DPYD: variants seen among roughly 807,000 people sequenced by gnomAD.
DPYD encodes dihydropyrimidine dehydrogenase [NADP(+)].
Under a neutral mutation model 116.2 loss-of-function variants are expected in DPYD, and 109 were observed. The observed-to-expected ratio is 0.94, with a 90% CI of 0.80 to 1.10. The LOEUF (loss-of-function observed/expected upper bound fraction) is 1.10, where lower values mean the gene tolerates loss of function less well. Ranked by LOEUF, DPYD falls within the 50% of genes least tolerant of loss-of-function variation. The pLI is 0.00. For synonymous variants in DPYD, 440 were observed against 432.0 expected, an observed-to-expected ratio of 1.02 and a Z score of -0.23; for missense variants, 1,302 against 1,254.5, an observed-to-expected ratio of 1.04 and a Z score of -0.57.
intron 10 of DPYD, among the ~76,000 whole-genome samples, chr1:97,583,786 A>T (rs971742204): frequency 2.6e-5 from 4 of 152,102 alleles, no homozygotes; most frequent in Non-Finnish European, 5.9e-5. Context: ...AGTTTAAAAT[A>T]AAATGTGTAC....
At chr1:97,500,218 T>C (rs1460907711) in intron 13 of DPYD, among the ~76,000 whole-genome samples, 1 of 151,998 alleles carries the variant, frequency 6.6e-6, no homozygotes, top group Non-Finnish European at 1.5e-5. Flanking sequence ...ACCACTCACA[T>C]CCACACAGAA....
intron 16 of DPYD, among the ~76,000 whole-genome samples, chr1:97,364,175 T>G (rs541513397): frequency 6.6e-6 from 1 of 152,308 alleles, no homozygotes; most frequent in Non-Finnish European, 1.5e-5. Context: ...GCCATGTTGT[T>G]TACAGTTTTG....
At chr1:97,676,427 A>C (rs1043226950) in intron 8 of DPYD, among the ~76,000 whole-genome samples, 4 of 152,182 alleles carry the variant, frequency 2.6e-5, no homozygotes, top group African/African-American at 9.7e-5. Context: ...CATGAATGTG[A>C]ACATGGTAAC....
chr1:97,209,463 G>T (rs890913822), intron 19 of DPYD, among the ~76,000 whole-genome samples: 2 of 152,032 alleles, frequency 1.3e-5, no homozygotes, highest in African/African-American at 4.8e-5. Context: ...CCTTATAAAT[G>T]TGCAACAGTA....
intron 16 of DPYD, among the ~76,000 whole-genome samples, chr1:97,354,334 G>A (rs188858956): frequency 1.9e-4 from 29 of 152,314 alleles, no homozygotes; most frequent in African/African-American, 7.0e-4. Context: ...TAGGACAACA[G>A]ATGTGTAAAA....
At chr1:97,804,618 G>A in intron 3 of DPYD, among the ~76,000 whole-genome samples, 1 of 151,706 alleles carries the variant, frequency 6.6e-6, no homozygotes, top group East Asian at 1.9e-4. Flanking sequence ...CCCAAGTATA[G>A]CATACTCAAT....
intron 15 of DPYD, among the ~76,000 whole-genome samples, chr1:97,378,374 T>C (rs1400030099): frequency 6.6e-6 from 1 of 152,202 alleles, no homozygotes; most frequent in Non-Finnish European, 1.5e-5. Flanking sequence ...ATTCATGACA[T>C]ATTGCTGTCC....
intron 8 of DPYD, among the ~76,000 whole-genome samples, chr1:97,674,538 C>G (rs542162698): frequency 1.3e-5 from 2 of 151,588 alleles, no homozygotes; most frequent in East Asian, 3.9e-4. Context: ...AGAAGATGAA[C>G]AATCAGAAAG....
chr1:97,456,129 T>C (rs919154134), intron 13 of DPYD, among the ~76,000 whole-genome samples: 1 of 151,856 alleles, frequency 6.6e-6, no homozygotes, highest in Admixed American at 6.6e-5. Context: ...GCATATCTAG[T>C]AAGCATTCGA....
chr1:97,605,280 T>A (rs566914700), intron 8 of DPYD, among the ~76,000 whole-genome samples: 49 of 152,068 alleles, frequency 3.2e-4, no homozygotes, highest in Non-Finnish European at 6.6e-4. Flanking sequence ...CCAAATCTCA[T>A]CTTGAATTGT....
intron 13 of DPYD, among the ~76,000 whole-genome samples, chr1:97,492,559 G>A (rs952755988): frequency 6.6e-6 from 1 of 152,112 alleles, no homozygotes; most frequent in African/African-American, 2.4e-5. Context: ...GCAGATCATA[G>A]TATCTTTTCC....
intron 3 of DPYD, among the ~76,000 whole-genome samples, chr1:97,781,701 G>T (rs1184635960): frequency 1.3e-5 from 2 of 152,056 alleles, no homozygotes; most frequent in African/African-American, 2.4e-5. Flanking sequence ...TAATTTCTTA[G>T]CAGCTTTAAA....
At chr1:97,363,502 CAT>C (rs1670855300) in intron 16 of DPYD, among the ~76,000 whole-genome samples, 2 of 152,136 alleles carry the variant, frequency 1.3e-5, no homozygotes, top group South Asian at 4.1e-4. Context: ...CACATGCACA[CAT>C]ATGTTTATTG....
chr1:97,400,131 C>T (rs896660233), intron 14 of DPYD, among the ~76,000 whole-genome samples: 3 of 152,098 alleles, frequency 2.0e-5, no homozygotes, highest in Non-Finnish European at 2.9e-5. Flanking sequence ...CCATCAATAC[C>T]TAATTTATTG....
intron 14 of DPYD, among the ~76,000 whole-genome samples, chr1:97,441,222 G>A (rs999770511): frequency 7.9e-5 from 12 of 151,970 alleles, no homozygotes; most frequent in Admixed American, 3.3e-4. Flanking sequence ...TTTTTTTGGG[G>A]AGGGGTGTTT....
chr1:97,347,744 T>C lies in DPYD; in HGVS notation c.2058+25817A>G, dbSNP rs559577742. Among the ~76,000 whole-genome samples, 18 of 152,258 alleles carry C rather than the reference T, an allele frequency of 1.2e-4. 1 individual carries two copies. The highest frequency in any genetic ancestry group is 7.9e-4 in the Admixed American group (12 of 15,274). On this transcript the variant is annotated intron_variant, in intron 16 of 22. Transcript: ENST00000370192. ...ACAACATGATGTTCTGAAGTATATA[T>C]ACATTGTGGAATAGCTAAATTGAGC...
chr1:97,084,918 A>T (rs1649409952), intron 21 of DPYD, among the ~76,000 whole-genome samples: 1 of 152,176 alleles, frequency 6.6e-6, no homozygotes. Flanking sequence ...AATATTTGTT[A>T]ACATAAATAT....
chr1:97,807,934 T>C (rs1438064780), intron 3 of DPYD, among the ~76,000 whole-genome samples: 2 of 152,082 alleles, frequency 1.3e-5, no homozygotes. Context: ...AAGTTGATTA[T>C]GTAGGCCTAT....
intron 11 of DPYD, among the ~76,000 whole-genome samples, chr1:97,569,660 G>A (rs987518350): frequency 3.3e-5 from 5 of 151,792 alleles, no homozygotes; most frequent in Admixed American, 2.0e-4. Context: ...GGGAATAGAG[G>A]AGACTTTTTA....
Sources: gnomAD v4.1 joint callset for allele counts (sites outside exome capture counted in the v4.1 genomes callset) on GRCh38, gnomAD v4.1.1 for gene constraint, MANE v1.5 for transcripts, NCBI Gene and HGNC (gene_info 2026-07-23, HGNC 2026-07-21) for gene names.